Variants in EMC10 observed in about 807,000 individuals in gnomAD.
EMC10 encodes ER membrane protein complex subunit 10, also known as UPF0510 protein INM02.
In EMC10, 40 loss-of-function variants were observed where a neutral mutation model predicts 32.2. The ratio of observed to expected loss-of-function variants is 1.24; its 90% confidence interval spans 0.96 to 1.61. EMC10 has a LOEUF of 1.61. Ranked by LOEUF, EMC10 falls within the 40% of genes most tolerant of loss-of-function variation. The pLI is 0.00. For missense variants in EMC10, 402 were observed against 357.7 expected, an observed-to-expected ratio of 1.12 and a Z score of -1.00; for synonymous variants, 178 against 158.4, an observed-to-expected ratio of 1.12 and a Z score of -0.93.
At position 50,476,527 on chromosome 19, in the gene EMC10, T is replaced by A; in HGVS notation, c.-18T>A. On this transcript the variant is annotated 5_prime_UTR_variant, in exon 1 of 7. Coordinates refer to ENST00000334976, the MANE Select transcript of EMC10 (RefSeq NM_206538.4). ...TCTTGGCTCACAGCCGTCCCTTCGC[T>A]GGTGGGAAGAAGCCGAGATGGCGGC... 1 of 1,570,260 alleles carries A rather than the reference T, an allele frequency of 6.4e-7. No homozygotes were observed. Among genetic ancestry groups the A allele is most frequent in the Non-Finnish European group, 8.6e-7 (1 of 1,163,630 alleles).
In EMC10 at chr19:50,487,019, G is replaced by A. The variant is rs1978383363; in HGVS notation, c.*4760G>A. On this transcript the variant is annotated 3_prime_UTR_variant, in exon 7 of 7. Coordinates refer to ENST00000334976, the MANE Select transcript of EMC10 (RefSeq NM_206538.4). ...TTCTTTGCCAGGAGGTGGTAATAGAGGATTCCACGCACTCAGAATGCCTCA... is the reference window on the plus strand; with the variant it reads ...TTCTTTGCCAGGAGGTGGTAATAGAAGATTCCACGCACTCAGAATGCCTCA... The A allele has an allele frequency of 6.6e-6, 1 of 152,082 alleles. No homozygotes were observed. The highest frequency in any genetic ancestry group is 1.5e-5 in the Non-Finnish European group (1 of 68,012). 9.4% of individuals were successfully genotyped at this position (152,082 alleles called of 1,614,324 possible).
At chr19:50,479,152 A>G (rs2040278304) in intron 3 of EMC10, 86 bp downstream of exon 3, 1 of 1,106,280 alleles carries the variant, frequency 9.0e-7, no homozygotes, top group South Asian at 1.4e-5. Flanking sequence ...GGTCCCCAGC[A>G]GCCTTCCCTC....
In EMC10 at chr19:50,482,034, T is replaced by TACGCGACCTCCCCTC. The variant is rs2040328348; in HGVS notation, c.679-113_679-99dup. 5.1e-5 allele frequency: 78 copies of TACGCGACCTCCCCTC among 1,528,164 alleles called. 1 individual carries two copies. In the East Asian group the frequency reaches 1.7e-3, roughly 34 times the overall value. 94.7% of individuals were successfully genotyped at this position (1,528,164 alleles called of 1,614,324 possible). On this transcript the variant is annotated intron_variant, in intron 6 of 6. Coordinates refer to ENST00000334976, the MANE Select transcript of EMC10 (RefSeq NM_206538.4). Reference sequence around the variant, plus strand: ...GTAGGGGACCTGGGCGCCCTCCCCTTACGCGACCTCCCCTCATGCCGGTCC... The same window carrying TACGCGACCTCCCCTC: ...GTAGGGGACCTGGGCGCCCTCCCCTTACGCGACCTCCCCTCACGCGACCTCCCCTCATGCCGGTCC...
At chr19:50,479,713 A>C (rs1466042217) in intron 3 of EMC10, among the ~76,000 whole-genome samples, 1 of 152,190 alleles carries the variant, frequency 6.6e-6, no homozygotes, top group Non-Finnish European at 1.5e-5. Flanking sequence ...CCCTTCCTGC[A>C]TGGTACCCAC....
Position 50,482,651 on chromosome 19 carries a change from C to G in EMC10, c.*392C>G, listed in dbSNP as rs1253463375. 3 of 483,926 alleles carry G rather than the reference C, an allele frequency of 6.2e-6. No homozygotes were observed. In the South Asian group the frequency reaches 1.3e-4, roughly 21 times the overall value. 30.0% of individuals were successfully genotyped at this position (483,926 alleles called of 1,614,324 possible). A position where few individuals can be genotyped will look rare whatever the true frequency, so the allele number is the denominator to read the frequency against. On this transcript the variant is annotated 3_prime_UTR_variant, in exon 7 of 7. Transcript: ENST00000334976. ...TCTGTGCCTTTGTTCCAGGTGGTCT[C>G]ACCCTCCTGTCCCTGGCTGGGCTAG... is the stretch of plus-strand genomic sequence containing the variant.
At chr19:50,478,171 A>T (rs938575971) in intron 2 of EMC10, among the ~76,000 whole-genome samples, 170 bp downstream of exon 2, 3 of 152,238 alleles carry the variant, frequency 2.0e-5, no homozygotes, top group Non-Finnish European at 4.4e-5. Context: ...CACTCTTTAA[A>T]TGCCCCCTTG....
rs979902315 is a variant in EMC10, at chr19:50,486,924, G to A, written c.*4665G>A. Reference sequence around the variant, plus strand: ...CCCAGTATCCCCTGTTCCTCCCCCAGGCATTCTGGTCACTGTTCCTTTTTG... The same window carrying A: ...CCCAGTATCCCCTGTTCCTCCCCCAAGCATTCTGGTCACTGTTCCTTTTTG... On this transcript the variant is annotated 3_prime_UTR_variant, in exon 7 of 7. Coordinates refer to ENST00000334976, the MANE Select transcript of EMC10 (RefSeq NM_206538.4). 6.6e-6 allele frequency: 1 copy of A among 150,828 alleles called. No individual in the cohort carries two copies. The highest frequency in any genetic ancestry group is 1.9e-4 in the East Asian group (1 of 5,162). The allele number at this position is 150,828 out of a possible 1,614,324, so 9.3% of individuals were successfully genotyped here. A position where few individuals can be genotyped will look rare whatever the true frequency, so the allele number is the denominator to read the frequency against.
In EMC10 at chr19:50,483,381, T is replaced by C. The variant is rs1379030689; in HGVS notation, c.*1122T>C. On this transcript the variant is annotated 3_prime_UTR_variant, in exon 7 of 7. Transcript: ENST00000334976. ...GCCTCCTGCATTGTATGGTTATAAA[T>C]AGCACCCTAGTGAGTGCTGTCGTCC... The C allele has an allele frequency of 1.1e-5, 3 of 278,468 alleles. No homozygotes were observed. Among genetic ancestry groups the C allele is most frequent in the Non-Finnish European group, 2.1e-5 (3 of 139,838 alleles). The allele number at this position is 278,468 out of a possible 1,614,324, so 17.2% of individuals were successfully genotyped here. A position where few individuals can be genotyped will look rare whatever the true frequency, so the allele number is the denominator to read the frequency against.
At chr19:50,479,979 G>T in intron 3 of EMC10, 132 bp from the exon 4 acceptor site, 1 of 706,706 alleles carries the variant, frequency 1.4e-6, no homozygotes, top group South Asian at 1.9e-5. Flanking sequence ...ACTCAGGTTG[G>T]CTGGCCTGGG....
At chr19:50,482,042 C>G in intron 6 of EMC10, 107 bp from the exon 7 acceptor site, 1 of 1,501,112 alleles carries the variant, frequency 6.7e-7, no homozygotes, top group Non-Finnish European at 9.3e-7. Flanking sequence ...CTTACGCGAC[C>G]TCCCCTCATG....
At chr19:50,481,983 A>C in intron 6 of EMC10, 166 bp from the exon 7 acceptor site, 1 of 1,601,532 alleles carries the variant, frequency 6.2e-7, no homozygotes, top group East Asian at 2.2e-5. Flanking sequence ...CCTGCGCCCC[A>C]CTGGCCCTCC....
Position 50,480,925 on chromosome 19 carries a change from A to G in EMC10, c.626A>G (p.Gln209Arg). ...AAFIERLEME[Q>R]AQKAKNPQEQ... ...TTCATTGAGCGCCTGGAGATGGAAC[A>G]GGCCCAGAAGGCCAAGAACCCCCAG... Residue 209 changes from glutamine (Q) to arginine (R), a missense_variant, in exon 6 of 7, where the codon CAG becomes CGG. Gln to Arg is a conservative substitution (Grantham distance 43). Transcript: ENST00000334976. The surrounding 1 kb of genome is among the most constrained non-coding windows in gnomAD (Gnocchi z 4.4). The G allele has an allele frequency of 6.2e-7, 1 of 1,612,568 alleles. No homozygotes were observed. Among genetic ancestry groups the G allele is most frequent in the Non-Finnish European group, 8.5e-7 (1 of 1,178,926 alleles).
chr19:50,478,989 C>T lies in EMC10; in HGVS notation c.220C>T (p.Leu74=). ...DSANFRKRGS[L]LWNQQDGTLS... is the part of the protein sequence containing the mutation. ...TGCCAACTTCCGGAAGCGGGGCTCA[C>T]TGCTCTGGAACCAGCAGGATGGTAC... The change falls in exon 3 of 7, where the codon CTG becomes TTG. Residue 74 remains leucine (L), a synonymous_variant. Coordinates refer to ENST00000334976, the MANE Select transcript of EMC10 (RefSeq NM_206538.4). 6.2e-7 allele frequency: 1 copy of T among 1,611,296 alleles called. No homozygotes were observed. The highest frequency in any genetic ancestry group is 2.2e-5 in the East Asian group (1 of 44,838).
rs750653606 is a variant in EMC10 at position 50,480,096 on chromosome 19, T to G, written c.298-15T>G. On this transcript the variant is annotated splice_polypyrimidine_tract_variant and intron_variant, in intron 3 of 6. Coordinates refer to ENST00000334976, the MANE Select transcript of EMC10 (RefSeq NM_206538.4). This position sits in a 1 kb window ranked among gnomAD's most constrained non-coding sequence, Gnocchi z 4.4. ...CACCATCCTTCTGACCAGCACCCTCTTCTCCCATCCCCAGGATGTGGCAGC... is the reference window on the plus strand; with the variant it reads ...CACCATCCTTCTGACCAGCACCCTCGTCTCCCATCCCCAGGATGTGGCAGC... The G allele has an allele frequency of 8.1e-6, 13 of 1,598,418 alleles. No homozygotes were observed. The highest frequency in any genetic ancestry group is 1.1e-5 in the Non-Finnish European group (13 of 1,172,562).
In EMC10 at chr19:50,488,088, C is replaced by T. The variant is rs28510516; in HGVS notation, c.*5829C>T. 52,095 of 151,266 alleles carry T rather than the reference C, an allele frequency of 0.34. 9,023 individuals are homozygous for T. The highest frequency in any genetic ancestry group is 0.42 in the South Asian group (2,005 of 4,790). The allele number at this position is 151,266 out of a possible 1,614,324, so 9.4% of individuals were successfully genotyped here. ...CAGGCAGATCACGAGGTGAGGAGAT[C>T]GAGACCGTCCTGGCTAACACGGTGA... On this transcript the variant is annotated 3_prime_UTR_variant, in exon 7 of 7. Transcript: ENST00000334976.
intron 1 of EMC10, among the ~76,000 whole-genome samples, chr19:50,477,582 G>A (rs1416119716): frequency 6.6e-6 from 1 of 152,170 alleles, no homozygotes; most frequent in Non-Finnish European, 1.5e-5. Flanking sequence ...CAGGTGATAA[G>A]GAGGCCATTT....
At chr19:50,479,338 C>T (rs1177363838) in intron 3 of EMC10, among the ~76,000 whole-genome samples, 4 of 152,252 alleles carry the variant, frequency 2.6e-5, no homozygotes, top group Non-Finnish European at 5.9e-5. Flanking sequence ...TGCAGGTTCA[C>T]ACAGTCGGCT....
chr19:50,481,455 G>C (rs993205700), intron 6 of EMC10: 1 of 240,740 alleles, frequency 4.2e-6, no homozygotes, highest in Non-Finnish European at 7.9e-6. Flanking sequence ...TCTGAGTCCC[G>C]GGGGCTTAGA....
chr19:50,489,012 G>A lies in EMC10; in HGVS notation c.*6753G>A, dbSNP rs1978505331. ...GAGAGGGAGATGGAGCGGTGCGGAG[G>A]GGGAGAGAGAAAGAGGGAGGGAAGG... On this transcript the variant is annotated 3_prime_UTR_variant, in exon 7 of 7. Coordinates refer to ENST00000334976, the MANE Select transcript of EMC10 (RefSeq NM_206538.4). The A allele has an allele frequency of 6.7e-6, 1 of 148,828 alleles. No individual in the cohort carries two copies. The highest frequency in any genetic ancestry group is 2.2e-4 in the South Asian group (1 of 4,584). 9.2% of individuals were successfully genotyped at this position (148,828 alleles called of 1,614,324 possible).
Sources: allele counts gnomAD v4.1 joint callset (sites outside exome capture counted in the v4.1 genomes callset), GRCh38; gene constraint gnomAD v4.1.1; non-coding constraint Gnocchi (gnomAD v3.1); transcripts MANE v1.5; gene names NCBI Gene and HGNC (gene_info 2026-07-23, HGNC 2026-07-21).